Variants in ROBO2 observed in about 807,000 individuals in gnomAD.
ROBO2 encodes roundabout homolog 2.
Under a neutral mutation model 160.8 loss-of-function variants are expected in ROBO2, and 53 were observed. That is an observed-to-expected ratio of 0.33 (90% CI 0.26 to 0.41). The LOEUF (loss-of-function observed/expected upper bound fraction) is 0.41. Among genes scored for constraint, ROBO2 ranks in the 10% least tolerant of loss-of-function variants. The pLI is 1.00. For synonymous variants in ROBO2, 664 were observed against 611.7 expected, an observed-to-expected ratio of 1.09 and a Z score of -1.26; for missense variants, 1,577 against 1,722.4, an observed-to-expected ratio of 0.92 and a Z score of 1.49.
chr3:76,322,336 C>T (rs532562394), intron 2 of ROBO2, among the ~76,000 whole-genome samples: 10 of 151,308 alleles, frequency 6.6e-5, no homozygotes, highest in African/African-American at 1.7e-4. Flanking sequence ...AAAATTATAA[C>T]GTTTGCTTCA....
At chr3:76,661,534 T>C (rs947416510) in intron 2 of ROBO2, among the ~76,000 whole-genome samples, 1 of 152,156 alleles carries the variant, frequency 6.6e-6, no homozygotes. Context: ...CATCAATCAA[T>C]AGACGTAAGG....
intron 1 of ROBO2, among the ~76,000 whole-genome samples, chr3:77,075,062 A>G (rs1334116880): frequency 6.6e-6 from 1 of 152,238 alleles, no homozygotes; most frequent in African/African-American, 2.4e-5. Context: ...TAATAAATCA[A>G]AAAGGTGAAG....
chr3:76,912,400 A>G (rs2076047348), intron 2 of ROBO2, among the ~76,000 whole-genome samples: 1 of 152,200 alleles, frequency 6.6e-6, no homozygotes. Flanking sequence ...TTTTTGCAAT[A>G]ATAATAAAAA....
At chr3:76,414,739 A>G (rs963820761) in intron 2 of ROBO2, among the ~76,000 whole-genome samples, 1 of 150,144 alleles carries the variant, frequency 6.7e-6, no homozygotes, top group Non-Finnish European at 1.5e-5. Context: ...CACAATGTGC[A>G]CATGTACCCT....
chr3:76,056,506 G>GA (rs1365509621), intron 2 of ROBO2, among the ~76,000 whole-genome samples: 3 of 149,148 alleles, frequency 2.0e-5, no homozygotes, highest in African/African-American at 7.4e-5. Flanking sequence ...AAATAAAATT[G>GA]AAGAAAAAAA....
chr3:77,257,961 T>G (rs2058530280), intron 2 of ROBO2, among the ~76,000 whole-genome samples: 1 of 152,368 alleles, frequency 6.6e-6, no homozygotes, highest in Non-Finnish European at 1.5e-5. Flanking sequence ...ATTTAAACCT[T>G]TTTTAGCTAA....
chr3:77,294,128 C>A (rs79759344), intron 2 of ROBO2, among the ~76,000 whole-genome samples: 10,649 of 75,966 alleles, frequency 0.14, 1 homozygote, highest in Middle Eastern at 0.29. Context: ...TAGATCACCC[C>A]AGACATAAAG....
intron 2 of ROBO2, among the ~76,000 whole-genome samples, chr3:76,863,568 G>T (rs1237307934): frequency 6.6e-6 from 1 of 151,914 alleles, no homozygotes; most frequent in East Asian, 1.9e-4. Context: ...TTCTAATGTA[G>T]TATTTATTTT....
chr3:75,997,569 T>G (rs1325080127), intron 2 of ROBO2, among the ~76,000 whole-genome samples: 1 of 149,606 alleles, frequency 6.7e-6, no homozygotes, highest in East Asian at 2.0e-4. Context: ...CTCGGCTTAC[T>G]GCAAGCTCTG....
intron 2 of ROBO2, among the ~76,000 whole-genome samples, chr3:77,140,416 A>T (rs370628661): frequency 3.3e-5 from 5 of 152,220 alleles, no homozygotes; most frequent in African/African-American, 4.8e-5. Context: ...TATTTATATC[A>T]TGAAATTGGA....
rs190792216 is a variant in ROBO2, at chr3:76,741,484, C to A, written c.110-356530C>A. Among the ~76,000 whole-genome samples the A allele has an allele frequency of 7.6e-3, 1,155 of 152,042 alleles. 22 individuals are homozygous for A. The highest frequency in any genetic ancestry group is 0.026 in the African/African-American group (1,087 of 41,518). On this transcript the variant is annotated intron_variant, in intron 2 of 26. Coordinates refer to the ROBO2 transcript ENST00000487694. ...CTAGAAATGTGGCTGATATTTACCA[C>A]AGGTGAAAGAGTAGTTTGGTTGATG...
At chr3:77,172,917 C>T (rs1298553065) in intron 2 of ROBO2, among the ~76,000 whole-genome samples, 2 of 152,206 alleles carry the variant, frequency 1.3e-5, no homozygotes, top group Non-Finnish European at 2.9e-5. Flanking sequence ...GACCCTCCTA[C>T]TTGTCAGAAC....
chr3:76,311,917 A>C (rs765717830), intron 2 of ROBO2, among the ~76,000 whole-genome samples: 1 of 152,188 alleles, frequency 6.6e-6, no homozygotes, highest in Non-Finnish European at 1.5e-5. Flanking sequence ...TATTGGAAAA[A>C]AATCTGCTGA....
At chr3:77,177,461 T>G (rs1320248224) in intron 2 of ROBO2, among the ~76,000 whole-genome samples, 1 of 152,086 alleles carries the variant, frequency 6.6e-6, no homozygotes, top group East Asian at 1.9e-4. Context: ...AAGTACTGTT[T>G]GCATACAATC....
At chr3:76,676,899 T>A (rs370531611) in intron 2 of ROBO2, among the ~76,000 whole-genome samples, 1 of 152,106 alleles carries the variant, frequency 6.6e-6, no homozygotes, top group African/African-American at 2.4e-5. Flanking sequence ...GCCCATCACC[T>A]GAGGAAGGTA....
chr3:76,832,232 A>G (rs1202957871), intron 2 of ROBO2, among the ~76,000 whole-genome samples: 24 of 152,236 alleles, frequency 1.6e-4, no homozygotes, highest in Admixed American at 1.6e-3. Context: ...GTAAAAACTT[A>G]TTGAACTAAT....
At chr3:76,732,264 G>A (rs2093648583) in intron 2 of ROBO2, among the ~76,000 whole-genome samples, 2 of 152,122 alleles carry the variant, frequency 1.3e-5, no homozygotes, top group Admixed American at 6.5e-5. Flanking sequence ...GAAGGAGACT[G>A]GTGCATATGT....
At chr3:76,499,279 C>T (rs2080330756) in intron 2 of ROBO2, among the ~76,000 whole-genome samples, 1 of 152,016 alleles carries the variant, frequency 6.6e-6, no homozygotes, top group Non-Finnish European at 1.5e-5. Flanking sequence ...AAATATAATA[C>T]AGGAATAAAA....
chr3:77,162,996 ATT>A (rs66968364), intron 2 of ROBO2, among the ~76,000 whole-genome samples: 18 of 149,132 alleles, frequency 1.2e-4, no homozygotes, highest in Middle Eastern at 3.4e-3. Context: ...TGCCCAGCTA[ATT>A]TTTTTTTTTG....
Sources: allele counts gnomAD v4.1 joint callset (sites outside exome capture counted in the v4.1 genomes callset), GRCh38; gene constraint gnomAD v4.1.1; transcripts MANE v1.5; gene names NCBI Gene and HGNC (gene_info 2026-07-23, HGNC 2026-07-21).